NCOA2: variants seen among roughly 807,000 people sequenced by gnomAD.
The protein encoded by NCOA2 is class E basic helix-loop-helix protein 75.
A neutral mutation model predicts 145.1 loss-of-function variants in NCOA2; 21 were observed. The observed-to-expected ratio is 0.14, with a 90% CI of 0.10 to 0.21. NCOA2 has a LOEUF of 0.21. NCOA2 is among the 10% of genes least tolerant of loss of function. The pLI is 1.00. For synonymous variants in NCOA2, 619 were observed against 637.5 expected (o/e 0.97, Z 0.44); for missense variants, 1,472 against 1,837.6 (o/e 0.80, Z 3.64).
At chr8:70,237,580 T>C (rs1022821935) in intron 2 of NCOA2, among the ~76,000 whole-genome samples, 6 of 151,804 alleles carry the variant, frequency 4.0e-5, no homozygotes, top group African/African-American at 1.5e-4. Context: ...CTGGGCAACA[T>C]AGTGAGACTC....
chr8:70,345,831 C>T (rs1486417781), intron 1 of NCOA2, among the ~76,000 whole-genome samples: 1 of 152,138 alleles, frequency 6.6e-6, no homozygotes, highest in African/African-American at 2.4e-5. Flanking sequence ...GGTCAGCTAG[C>T]AGAAGCAGAG....
chr8:70,387,389 G>A (rs960293974), intron 1 of NCOA2, among the ~76,000 whole-genome samples: 2 of 152,190 alleles, frequency 1.3e-5, no homozygotes, highest in Non-Finnish European at 2.9e-5. Context: ...TATAGTTTAA[G>A]AATGCTCTCT....
intron 4 of NCOA2, among the ~76,000 whole-genome samples, chr8:70,204,980 C>A (rs559912895): frequency 6.6e-6 from 1 of 152,180 alleles, no homozygotes; most frequent in Non-Finnish European, 1.5e-5. Flanking sequence ...TGCACTCTGG[C>A]CCGGAAGACA....
Position 70,391,993 on chromosome 8 carries a change from A to G in NCOA2, c.-77+11707T>C, listed in dbSNP as rs991356668. On this transcript the variant is annotated intron_variant, in intron 1 of 22. Coordinates refer to ENST00000452400, the MANE Select transcript of NCOA2 (RefSeq NM_006540.4). ...AATTTACTTTGAAATGGTTTATCCA[A>G]TATACATACTCACAACCACACCGTG... Among the ~76,000 whole-genome samples, 5 of 152,380 alleles carry G rather than the reference A, an allele frequency of 3.3e-5. 1 individual carries two copies. In the South Asian group the frequency reaches 1.0e-3, roughly 32 times the overall value.
intron 2 of NCOA2, chr8:70,273,668 A>T: frequency 1.5e-6 from 1 of 686,304 alleles, no homozygotes; most frequent in East Asian, 3.2e-5. Flanking sequence ...AATGCTACCC[A>T]GAATCTTAAA....
the NCOA2 span, among the ~76,000 whole-genome samples, chr8:70,455,455 G>A: frequency 6.6e-6 from 1 of 152,156 alleles, no homozygotes; most frequent in Non-Finnish European, 1.5e-5. Context: ...CTGTTTACCT[G>A]GTGTATTTCA....
Position 70,111,527 on chromosome 8 carries a change from C to T in NCOA2, c.*2105G>A, listed in dbSNP as rs1806536428. The T allele has an allele frequency of 1.4e-5, 3 of 217,546 alleles. No individual in the cohort carries two copies. The highest frequency in any genetic ancestry group is 6.8e-5 in the African/African-American group (3 of 44,432). 13.5% of individuals were successfully genotyped at this position (217,546 alleles called of 1,614,324 possible). A position where few individuals can be genotyped will look rare whatever the true frequency, so the allele number is the denominator to read the frequency against. On this transcript the variant is annotated 3_prime_UTR_variant, in exon 23 of 23. Transcript: ENST00000452400. The stretch of plus-strand genomic sequence containing the variant: ...ATGGTTTGGTGGAGAAAAGTAGAGC[C>T]TTTTGAGGGGATATATGAACTGGTG...
chr8:70,279,756 C>A (rs536174641), intron 2 of NCOA2, among the ~76,000 whole-genome samples: 11 of 152,232 alleles, frequency 7.2e-5, no homozygotes, highest in African/African-American at 2.4e-4. Flanking sequence ...CAGGAAAGAT[C>A]CTTTTGAGAG....
chr8:70,434,811 T>C, the NCOA2 span, among the ~76,000 whole-genome samples: 2 of 152,122 alleles, frequency 1.3e-5, no homozygotes, highest in African/African-American at 2.4e-5. Context: ...GTTCAAGCCA[T>C]CCTCCCACCT....
intron 4 of NCOA2, among the ~76,000 whole-genome samples, chr8:70,177,040 G>C (rs1234143899): frequency 6.6e-6 from 1 of 152,190 alleles, no homozygotes; most frequent in Non-Finnish European, 1.5e-5. Flanking sequence ...TCCACATGCA[G>C]GAGCAATGTG....
At chr8:70,435,028 AC>A in the NCOA2 span, among the ~76,000 whole-genome samples, 1 of 152,186 alleles carries the variant, frequency 6.6e-6, no homozygotes, top group African/African-American at 2.4e-5. Context: ...CTATTTGTGT[AC>A]TATGTGACTG....
chr8:70,222,291 G>A (rs573637167), intron 2 of NCOA2, among the ~76,000 whole-genome samples: 1 of 152,232 alleles, frequency 6.6e-6, no homozygotes, highest in Non-Finnish European at 1.5e-5. Flanking sequence ...ACTATTATTA[G>A]GATATGATTT....
intron 2 of NCOA2, among the ~76,000 whole-genome samples, chr8:70,239,668 C>T (rs1378430511): frequency 6.6e-6 from 1 of 152,172 alleles, no homozygotes; most frequent in Non-Finnish European, 1.5e-5. Flanking sequence ...TGGCTTGGCA[C>T]AAAAGTTCTA....
chr8:70,331,915 T>A (rs10217005), intron 1 of NCOA2, among the ~76,000 whole-genome samples: 2,123 of 152,238 alleles, frequency 0.014, 59 homozygotes, highest in African/African-American at 0.049. Flanking sequence ...CATCATGACA[T>A]GAATAGAGAT....
chr8:70,448,912 C>G, the NCOA2 span, among the ~76,000 whole-genome samples: 1 of 151,878 alleles, frequency 6.6e-6, no homozygotes, highest in African/African-American at 2.4e-5. Flanking sequence ...TCGAGAGACC[C>G]TCCCACCTTA....
intron 11 of NCOA2, among the ~76,000 whole-genome samples, chr8:70,151,187 A>T (rs1811708954): frequency 6.6e-6 from 1 of 152,192 alleles, no homozygotes; most frequent in Non-Finnish European, 1.5e-5. Context: ...AAAGTAAAGT[A>T]TGTTATTTCT....
chr8:70,276,960 A>G (rs946707151), intron 2 of NCOA2, among the ~76,000 whole-genome samples: 2 of 152,238 alleles, frequency 1.3e-5, no homozygotes, highest in African/African-American at 4.8e-5. Context: ...TTCAGAATGA[A>G]TAACATAATA....
rs934897511 is a variant in NCOA2 at position 70,358,576 on chromosome 8, A to G, written c.-77+45124T>C. Among the ~76,000 whole-genome samples, 3 of 152,220 alleles carry G rather than the reference A, an allele frequency of 2.0e-5. No individual in the cohort carries two copies. The East Asian group carries it at 5.8e-4, about 29-fold the overall frequency. ...TCCACATACAAAAAAATGAAATTGA[A>G]CCCCCACCTCATTCTATATATAAAA... On this transcript the variant is annotated intron_variant, in intron 1 of 22. Transcript: ENST00000452400.
intron 14 of NCOA2, among the ~76,000 whole-genome samples, chr8:70,139,116 CTT>C (rs1042629808): frequency 6.6e-5 from 10 of 152,244 alleles, no homozygotes; most frequent in Admixed American, 1.3e-4. Flanking sequence ...CACAAGCACT[CTT>C]TCTCCGAAGT....
Sources: allele counts gnomAD v4.1 joint callset (sites outside exome capture counted in the v4.1 genomes callset), GRCh38; gene constraint gnomAD v4.1.1; transcripts MANE v1.5; gene names NCBI Gene and HGNC (gene_info 2026-07-23, HGNC 2026-07-21).